The following NOL9 variants were observed in gnomAD, a reference collection of about 807,000 sequenced individuals.
NOL9 encodes the protein nucleolar protein 9.
A neutral mutation model predicts 67.9 loss-of-function variants in NOL9; 28 were observed. The observed-to-expected ratio is 0.41, with a 90% confidence interval of 0.31 to 0.57. NOL9 has a LOEUF of 0.57. Among genes scored for constraint, NOL9 ranks in the 20% least tolerant of loss-of-function variants. The pLI is 0.25. For missense variants in NOL9, 777 were observed against 897.0 expected (o/e 0.87, Z 1.71); for synonymous variants, 356 against 352.2 (o/e 1.01, Z -0.12).
chr1:6,527,866 G>A (rs1007216451), intron 10 of NOL9, among the ~76,000 whole-genome samples: 5 of 152,164 alleles, frequency 3.3e-5, no homozygotes, highest in African/African-American at 7.2e-5. Context: ...GGGAGGTGGA[G>A]GTTGCAGTGA....
At chr1:6,549,973 G>A (rs1416290547) in intron 2 of NOL9, among the ~76,000 whole-genome samples, 1 of 152,148 alleles carries the variant, frequency 6.6e-6, no homozygotes, top group Non-Finnish European at 1.5e-5. Context: ...ACCCTCGTAA[G>A]GGTTTATATA....
At chr1:6,527,339 A>G (rs553631556) in intron 10 of NOL9, among the ~76,000 whole-genome samples, 2 of 151,530 alleles carry the variant, frequency 1.3e-5, no homozygotes, top group Admixed American at 6.6e-5. Flanking sequence ...AGGAACAAAA[A>G]TGGTCTACAT....
rs1477394231 is a variant in NOL9 at position 6,529,016 on chromosome 1, T to G, written c.1803A>C (p.Pro601=). The G allele has an allele frequency of 3.7e-6, 6 of 1,613,956 alleles. No individual in the cohort carries two copies. The African/African-American group carries it at 6.7e-5, about 18-fold the overall frequency. The change falls in exon 10 of 12, where the codon CCA becomes CCC. Residue 601 remains proline, a synonymous_variant. Coordinates refer to ENST00000377705, the MANE Select transcript of NOL9 (RefSeq NM_024654.5). ...CACCAAAGCCCAAGCAGTCACAGAT[T>G]GGAGTCTGGGCAAGCAGGATGGGCC... is the stretch of plus-strand genomic sequence containing the variant. ...TNGPILLAQT[P]ICDCLGFGIC...
chr1:6,546,473 C>T (rs1164722138), intron 3 of NOL9, among the ~76,000 whole-genome samples: 1 of 152,202 alleles, frequency 6.6e-6, no homozygotes, highest in African/African-American at 2.4e-5. Context: ...ACACCCACCT[C>T]GTATCTATCT....
chr1:6,550,174 G>T (rs532859886), intron 2 of NOL9, among the ~76,000 whole-genome samples: 1 of 152,152 alleles, frequency 6.6e-6, no homozygotes, highest in Non-Finnish European at 1.5e-5. Context: ...TGGGACTACA[G>T]GCGCCTGCCA....
intron 3 of NOL9, chr1:6,547,973 C>T (rs966236504): frequency 1.2e-4 from 34 of 274,554 alleles, no homozygotes; most frequent in African/African-American, 6.0e-4. Context: ...TACAATACAC[C>T]GTCATAGGCT....
chr1:6,526,448 C>T (rs1484004886), intron 11 of NOL9, among the ~76,000 whole-genome samples: 2 of 152,150 alleles, frequency 1.3e-5, no homozygotes, highest in Non-Finnish European at 2.9e-5. Flanking sequence ...ACACAACCTA[C>T]TCCTATGTAA....
In NOL9 at chr1:6,529,061, G is replaced by T; in HGVS notation, c.1758C>A (p.Asp586Glu). 1 of 1,614,104 alleles carries T rather than the reference G, an allele frequency of 6.2e-7. No homozygotes were observed. The highest frequency in any genetic ancestry group is 8.5e-7 in the Non-Finnish European group (1 of 1,180,022). The change falls in exon 10 of 12, where the codon GAC becomes GAA. Residue 586 changes from aspartate (D) to glutamate (E), a missense_variant. Physicochemically the swap from Asp to Glu is conservative, Grantham distance 45. Coordinates refer to ENST00000377705, the MANE Select transcript of NOL9 (RefSeq NM_024654.5). ...SWVGLCKIQD[D>E]VRGYTNGPIL... Reference sequence around the variant, plus strand: ...TGGGCCCATTCGTGTATCCTCTGACGTCATCCTGGATCTTGCAAAGACCAA... The same window carrying T: ...TGGGCCCATTCGTGTATCCTCTGACTTCATCCTGGATCTTGCAAAGACCAA...
At chr1:6,539,677 T>G (rs1196315931) in intron 6 of NOL9, among the ~76,000 whole-genome samples, 2 of 151,836 alleles carry the variant, frequency 1.3e-5, no homozygotes, top group Admixed American at 1.3e-4. Context: ...TAATAGGGAC[T>G]GGGTTTCACC....
chr1:6,544,996 TG>T, intron 4 of NOL9, 48 bp downstream of exon 4: 1 of 1,614,058 alleles, frequency 6.2e-7, no homozygotes, highest in Non-Finnish European at 8.5e-7. Context: ...AATCTTCCTC[TG>T]GGGGTCTGGT....
At chr1:6,538,908 G>A (rs1186049842) in intron 6 of NOL9, among the ~76,000 whole-genome samples, 1 of 152,212 alleles carries the variant, frequency 6.6e-6, no homozygotes, top group Non-Finnish European at 1.5e-5. Context: ...GGAGGTGGAG[G>A]CTGTAGTGAG....
chr1:6,544,548 C>CCT (rs1297412372), intron 5 of NOL9, among the ~76,000 whole-genome samples: 6 of 9,968 alleles, frequency 6.0e-4, no homozygotes. Flanking sequence ...CACGCACCCC[C>CCT]CCCCCGCCCC....
chr1:6,535,822 G>C lies in NOL9; in HGVS notation c.1076-2381C>G, dbSNP rs530497174. ...GGGTGCCTGTAATCCCAGCTACTTG[G>C]GAGGCTGAGGCAGGTGAATTGCTTG... On this transcript the variant is annotated intron_variant, in intron 6 of 11. Transcript: ENST00000377705. 6.6e-5 allele frequency among the ~76,000 whole-genome samples: 10 copies of C among 152,118 alleles called. No individual in the cohort carries two copies. The South Asian group carries it at 1.5e-3, about 22-fold the overall frequency.
chr1:6,527,293 C>G (rs1274190392), intron 10 of NOL9, among the ~76,000 whole-genome samples: 2 of 150,482 alleles, frequency 1.3e-5, no homozygotes, highest in Non-Finnish European at 2.9e-5. Context: ...TCCTTGAACA[C>G]TGGGGCAGTT....
rs929679418 is a variant in NOL9, at chr1:6,544,862, G to A, written c.941C>T (p.Thr314Ile). The A allele has an allele frequency of 1.9e-6, 3 of 1,614,212 alleles. No individual in the cohort carries two copies. The highest frequency in any genetic ancestry group is 1.7e-6 in the Non-Finnish European group (2 of 1,180,036). ...ATGGTTAATCAGGTATCTATTAAAT[G>A]TTGACTTTCCAACATCCTGGGATCC... ...VCGSQDVGKS[T>I]FNRYLINHLL... The change falls in exon 5 of 12, where the codon ACA becomes ATA. Residue 314 changes from threonine (T) to isoleucine (I), a missense_variant. By Grantham distance (89) the Thr-to-Ile change is moderately conservative (BLOSUM62 -1). Coordinates refer to ENST00000377705, the MANE Select transcript of NOL9 (RefSeq NM_024654.5).
At position 6,526,863 on chromosome 1, in the gene NOL9, T is replaced by G. The variant is rs568217450; in HGVS notation, c.1826-34A>C. 4.2e-4 allele frequency: 653 copies of G among 1,538,518 alleles called. 11 individuals carry two copies. In the South Asian group the frequency reaches 7.8e-3, roughly 18 times the overall value. ...CACGCGCACAACACAAAAATCACCC[T>G]TTTGGAAAACATCAAACTTCTCCAT... On this transcript the variant is annotated intron_variant, in intron 10 of 11. Coordinates refer to ENST00000377705, the MANE Select transcript of NOL9 (RefSeq NM_024654.5).
chr1:6,536,197 T>C (rs1394799611), intron 6 of NOL9, among the ~76,000 whole-genome samples: 5 of 149,434 alleles, frequency 3.3e-5, no homozygotes, highest in African/African-American at 9.9e-5. Context: ...ATGCAAAAAA[T>C]TAGCCGGGCG....
intron 5 of NOL9, among the ~76,000 whole-genome samples, chr1:6,542,394 C>T (rs901981738): frequency 4.8e-5 from 7 of 146,994 alleles, no homozygotes; most frequent in African/African-American, 7.6e-5. Flanking sequence ...CTCCTGATCT[C>T]GTTCGTGATC....
intron 3 of NOL9, among the ~76,000 whole-genome samples, chr1:6,547,516 T>TG (rs1290055520): frequency 7.7e-6 from 1 of 130,316 alleles, no homozygotes; most frequent in African/African-American, 3.2e-5. Flanking sequence ...CTTAAGGAAA[T>TG]GGAAAAAAAA....
Sources: gnomAD v4.1 joint callset for allele counts (sites outside exome capture counted in the v4.1 genomes callset) on GRCh38, gnomAD v4.1.1 for gene constraint, MANE v1.5 for transcripts, NCBI Gene and HGNC (gene_info 2026-07-23, HGNC 2026-07-21) for gene names.